The following TMEM108 variants were observed in gnomAD, a reference collection of about 807,000 sequenced individuals.
The protein encoded by TMEM108 is transmembrane protein 108, also known as cancer/testis antigen 124.
Under a neutral mutation model 35.1 loss-of-function variants are expected in TMEM108, and 12 were observed. That is an observed-to-expected ratio of 0.34 (90% CI 0.22 to 0.55). The LOEUF (loss-of-function observed/expected upper bound fraction) is 0.55. Among genes scored for constraint, TMEM108 ranks in the 20% least tolerant of loss-of-function variants. The pLI is 0.89. For missense variants in TMEM108, 680 were observed against 753.3 expected (o/e 0.90, Z 1.14); for synonymous variants, 287 against 308.6 (o/e 0.93, Z 0.73).
rs138079048 is a variant in TMEM108 at position 133,380,014 on chromosome 3, T to C, written c.303T>C (p.Ala101=). 1.1e-5 allele frequency: 18 copies of C among 1,613,434 alleles called. No individual in the cohort carries two copies. Among genetic ancestry groups the C allele is most frequent in the African/African-American group, 2.7e-5 (2 of 74,664 alleles). Residue 101 remains alanine, a synonymous_variant, in exon 4 of 6, where the codon GCT becomes GCC. Coordinates refer to ENST00000321871, the MANE Select transcript of TMEM108 (RefSeq NM_023943.4). This position sits in a 1 kb window ranked among gnomAD's most constrained non-coding sequence, Gnocchi z 5.3. The part of the protein sequence containing the change: ...HPPTHTISTI[A]ATVTAPHSES... ...CTACGCACACCATCTCCACCATCGC[T>C]GCGACAGTAACCGCCCCCCATTCTG...
chr3:133,304,602 A>G (rs1947275925), intron 3 of TMEM108, among the ~76,000 whole-genome samples: 1 of 152,152 alleles, frequency 6.6e-6, no homozygotes, highest in Non-Finnish European at 1.5e-5. Flanking sequence ...TACATTCTGT[A>G]TAGTCTCTTG....
At chr3:133,068,255 C>G (rs1436189487) in intron 2 of TMEM108, among the ~76,000 whole-genome samples, 1 of 152,140 alleles carries the variant, frequency 6.6e-6, no homozygotes, top group Non-Finnish European at 1.5e-5. Flanking sequence ...GCCTCTCAGG[C>G]AGGTGAACTT....
chr3:133,198,597 C>T (rs2107823562), intron 2 of TMEM108, among the ~76,000 whole-genome samples: 2 of 152,300 alleles, frequency 1.3e-5, no homozygotes, highest in Admixed American at 1.3e-4. Context: ...ACTGAAGCCT[C>T]AATTTTAGAC....
intron 2 of TMEM108, among the ~76,000 whole-genome samples, chr3:133,123,656 C>T (rs999901627): frequency 5.9e-5 from 9 of 152,130 alleles, no homozygotes; most frequent in Non-Finnish European, 8.8e-5. Context: ...AAAAAAATGT[C>T]CTTGTTCTTG....
At chr3:133,063,525 G>T (rs2107683762) in intron 2 of TMEM108, among the ~76,000 whole-genome samples, 1 of 152,266 alleles carries the variant, frequency 6.6e-6, no homozygotes, top group South Asian at 2.1e-4. Context: ...GTTCCAGACA[G>T]CACAGGGAAA....
intron 2 of TMEM108, among the ~76,000 whole-genome samples, chr3:133,086,320 A>C (rs974106651): frequency 2.0e-5 from 3 of 151,478 alleles, no homozygotes; most frequent in Non-Finnish European, 2.9e-5. Context: ...TTCTTTTGCC[A>C]TCTGTAAAGT....
At chr3:133,344,522 G>T (rs1291322863) in intron 3 of TMEM108, among the ~76,000 whole-genome samples, 1 of 150,996 alleles carries the variant, frequency 6.6e-6, no homozygotes, top group Non-Finnish European at 1.5e-5. Context: ...TAATAAGGAA[G>T]AATGAAGATA....
chr3:133,348,410 C>CT (rs1662757000), intron 3 of TMEM108, among the ~76,000 whole-genome samples: 1 of 152,100 alleles, frequency 6.6e-6, no homozygotes, highest in South Asian at 2.1e-4. Context: ...ATGGATTGAA[C>CT]TTTTTGTCTT....
chr3:133,073,510 C>CTCTCTCTCTATA lies in TMEM108; in HGVS notation c.-47+27491_-47+27492insCTCTCTCTATAT. On this transcript the variant is annotated intron_variant, in intron 2 of 5. Transcript: ENST00000321871. The stretch of plus-strand genomic sequence containing the variant: ...TCTCTCTCTCTCTCTCTCTCTCTCT[C>CTCTCTCTCTATA]TATATATATATATATATATATATAT... Among the ~76,000 whole-genome samples the CTCTCTCTCTATA allele has an allele frequency of 2.4e-3, 104 of 43,888 alleles. 1 individual carries two copies. Among genetic ancestry groups the CTCTCTCTCTATA allele is most frequent in the Admixed American group, 3.2e-3 (9 of 2,856 alleles). 28.8% of individuals were successfully genotyped at this position (43,888 alleles called of 152,430 possible).
chr3:133,083,023 G>A (rs575616153), intron 2 of TMEM108, among the ~76,000 whole-genome samples: 1 of 152,040 alleles, frequency 6.6e-6, no homozygotes, highest in African/African-American at 2.4e-5. Flanking sequence ...TTTTCAAAAA[G>A]TTGCAATTTT....
chr3:133,291,558 G>A (rs1397525990), intron 3 of TMEM108, among the ~76,000 whole-genome samples: 2 of 151,686 alleles, frequency 1.3e-5, no homozygotes, highest in Non-Finnish European at 1.5e-5. Flanking sequence ...GATTACAGGC[G>A]TGAGCCAGCA....
At chr3:133,223,653 C>A (rs914004151) in intron 2 of TMEM108, among the ~76,000 whole-genome samples, 17 of 152,024 alleles carry the variant, frequency 1.1e-4, no homozygotes, top group African/African-American at 3.6e-4. Context: ...TCCAAAGCAG[C>A]GCAATTGACC....
chr3:133,144,216 T>C (rs977559781), intron 2 of TMEM108, among the ~76,000 whole-genome samples: 6 of 152,084 alleles, frequency 3.9e-5, no homozygotes, highest in Admixed American at 3.3e-4. Flanking sequence ...AGTGAGAACA[T>C]GCGGTGTTTG....
At chr3:133,313,432 G>A (rs1238543783) in intron 3 of TMEM108, among the ~76,000 whole-genome samples, 4 of 152,146 alleles carry the variant, frequency 2.6e-5, no homozygotes, top group African/African-American at 9.7e-5. Context: ...TGATCCACCT[G>A]CCTTGGCCTC....
At chr3:133,372,841 G>C (rs1213391190) in intron 3 of TMEM108, among the ~76,000 whole-genome samples, 1 of 152,186 alleles carries the variant, frequency 6.6e-6, no homozygotes. Flanking sequence ...GAGGGAAGCA[G>C]AAAAGATTTG....
At chr3:133,189,491 C>G (rs772227045) in intron 2 of TMEM108, among the ~76,000 whole-genome samples, 5 of 152,118 alleles carry the variant, frequency 3.3e-5, no homozygotes, top group Admixed American at 6.6e-5. Flanking sequence ...TCCTGTCTAC[C>G]AAGTCTTTCC....
At chr3:133,046,059 T>C (rs1337208953) in intron 2 of TMEM108, 39 bp downstream of exon 2, 1 of 152,650 alleles carries the variant, frequency 6.6e-6, no homozygotes, top group Non-Finnish European at 1.5e-5. Flanking sequence ...TTTTCTTGCT[T>C]TTCCAATTCA....
At chr3:133,246,493 A>C (rs1946388021) in intron 3 of TMEM108, 1 of 152,128 alleles carries the variant, frequency 6.6e-6, no homozygotes, top group South Asian at 2.1e-4. Context: ...AAAAAAAGCA[A>C]AGTTAGGGGA....
At chr3:133,287,804 A>G (rs551659003) in intron 3 of TMEM108, among the ~76,000 whole-genome samples, 19 of 152,354 alleles carry the variant, frequency 1.2e-4, no homozygotes, top group Admixed American at 2.6e-4. Context: ...CTCAAAATAA[A>G]AATATATAGA....
Sources: allele counts gnomAD v4.1 joint callset (sites outside exome capture counted in the v4.1 genomes callset), GRCh38; gene constraint gnomAD v4.1.1; non-coding constraint Gnocchi (gnomAD v3.1); transcripts MANE v1.5; gene names NCBI Gene and HGNC (gene_info 2026-07-23, HGNC 2026-07-21).